RTL4: variants seen among roughly 807,000 people sequenced by gnomAD.
RTL4 encodes retrotransposon Gag-like protein 4.
A neutral mutation model predicts 5.3 loss-of-function variants in RTL4; 4 were observed. That is an observed-to-expected ratio of 0.75 (90% CI 0.37 to 1.72). The LOEUF is 1.72. Ranked by LOEUF, RTL4 falls within the 40% of genes most tolerant of loss-of-function variation. The probability of loss-of-function intolerance (pLI) is 0.04; values close to 1 mark genes in which losing one functional copy is unlikely to be tolerated. For synonymous variants in RTL4, 98 were observed against 87.3 expected (o/e 1.12, Z -0.68); for missense variants, 260 against 227.1 (o/e 1.14, Z -0.93).
the RTL4 span, among the ~76,000 whole-genome samples, chrX:112,337,669 C>T: frequency 8.9e-6 from 1 of 111,775 alleles, no homozygotes; most frequent in Non-Finnish European, 1.9e-5. Context: ...AAGTTTTCAT[C>T]TGTCCCTTCT....
the RTL4 span, among the ~76,000 whole-genome samples, chrX:112,328,861 A>G: frequency 7.1e-5 from 8 of 112,051 alleles, no homozygotes; most frequent in African/African-American, 2.6e-4. Flanking sequence ...AACTCACTCA[A>G]AACTGCTCAA....
At chrX:112,406,850 C>T in the RTL4 span, among the ~76,000 whole-genome samples, 3 of 109,701 alleles carry the variant, frequency 2.7e-5, no homozygotes, top group Non-Finnish European at 5.7e-5. Context: ...AGTCTTCGGG[C>T]CCCCTTTCCA....
At chrX:112,149,728 G>A in the RTL4 span, among the ~76,000 whole-genome samples, 1 of 112,326 alleles carries the variant, frequency 8.9e-6, no homozygotes, top group Admixed American at 9.4e-5. Flanking sequence ...CTGGTATAAG[G>A]TGCAATGAAT....
the RTL4 span, among the ~76,000 whole-genome samples, chrX:112,104,913 A>G: frequency 9.0e-6 from 1 of 111,696 alleles, no homozygotes; most frequent in Admixed American, 9.5e-5. Flanking sequence ...TCCACTGTGT[A>G]TGTTAGATTT....
the RTL4 span, among the ~76,000 whole-genome samples, chrX:112,131,988 A>G: frequency 1.2e-4 from 13 of 111,872 alleles, no homozygotes; most frequent in Middle Eastern, 4.2e-3. Flanking sequence ...ATAAACGAAG[A>G]AAGAGGCTTA....
chrX:112,328,783 A>G, the RTL4 span, among the ~76,000 whole-genome samples: 1 of 112,182 alleles, frequency 8.9e-6, no homozygotes, highest in Non-Finnish European at 1.9e-5. Context: ...GCAAATGTGA[A>G]AGAACAGAAA....
the RTL4 span, among the ~76,000 whole-genome samples, chrX:112,399,928 C>T: frequency 9.0e-6 from 1 of 111,482 alleles, no homozygotes; most frequent in Admixed American, 9.6e-5. Context: ...TAAAAAGCTA[C>T]TACTCTACTG....
the RTL4 span, among the ~76,000 whole-genome samples, chrX:112,400,525 T>C: frequency 8.9e-6 from 1 of 111,877 alleles, no homozygotes; most frequent in Non-Finnish European, 1.9e-5. Context: ...TCTGTGTCAG[T>C]TTTGATTAAC....
the RTL4 span, among the ~76,000 whole-genome samples, chrX:112,106,786 A>G: frequency 2.7e-5 from 3 of 112,099 alleles, no homozygotes; most frequent in African/African-American, 9.7e-5. Flanking sequence ...CTTTAAAAAT[A>G]TACCTATTGG....
At chrX:112,431,915 G>A in the RTL4 span, among the ~76,000 whole-genome samples, 1 of 81,851 alleles carries the variant, frequency 1.2e-5, no homozygotes, top group Non-Finnish European at 2.3e-5. Flanking sequence ...AGAGTGTGAT[G>A]TTCCCCTTCC....
the RTL4 span, among the ~76,000 whole-genome samples, chrX:112,444,301 C>T: frequency 1.8e-5 from 2 of 111,338 alleles, no homozygotes; most frequent in African/African-American, 6.5e-5. Context: ...CATTGGCCAA[C>T]GTTTCTGTTT....
At chrX:112,160,606 A>C in the RTL4 span, among the ~76,000 whole-genome samples, 1 of 111,739 alleles carries the variant, frequency 8.9e-6, no homozygotes, top group African/African-American at 3.3e-5. Flanking sequence ...GTCACACTTA[A>C]GGGCTTACTA....
chrX:112,344,679 A>AGTG, the RTL4 span, among the ~76,000 whole-genome samples: 1 of 112,113 alleles, frequency 8.9e-6, no homozygotes, highest in Non-Finnish European at 1.9e-5. Context: ...ACAAATCTAA[A>AGTG]CCATATCAAG....
the RTL4 span, among the ~76,000 whole-genome samples, chrX:112,361,779 T>C: frequency 9.0e-6 from 1 of 111,240 alleles, no homozygotes; most frequent in Non-Finnish European, 1.9e-5. Flanking sequence ...TCCCCTTTAG[T>C]TATAGTGGCT....
the RTL4 span, among the ~76,000 whole-genome samples, chrX:112,166,687 A>C: frequency 8.9e-6 from 1 of 111,871 alleles, no homozygotes; most frequent in African/African-American, 3.3e-5. Flanking sequence ...ATTTATGAGC[A>C]AAGACCACAG....
the RTL4 span, among the ~76,000 whole-genome samples, chrX:112,346,678 G>A: frequency 9.0e-6 from 1 of 111,289 alleles, no homozygotes; most frequent in African/African-American, 3.3e-5. Context: ...TACTTCGGAT[G>A]TGTGTAAAGC....
chrX:112,104,193 C>T, the RTL4 span, among the ~76,000 whole-genome samples: 1 of 111,993 alleles, frequency 8.9e-6, no homozygotes, highest in African/African-American at 3.2e-5. Context: ...ACATATTGTC[C>T]TCCAGGTTTT....
the RTL4 span, among the ~76,000 whole-genome samples, chrX:112,144,171 G>C: frequency 9.0e-6 from 1 of 110,944 alleles, no homozygotes; most frequent in Non-Finnish European, 1.9e-5. Flanking sequence ...TCTTCTCTTG[G>C]GGTGGGATCC....
chrX:112,201,184 T>C, the RTL4 span, among the ~76,000 whole-genome samples: 2 of 110,272 alleles, frequency 1.8e-5, no homozygotes, highest in Non-Finnish European at 3.8e-5. Flanking sequence ...ACCATCAGGT[T>C]TCGTAAGAAC....
Sources: gnomAD v4.1 joint callset for allele counts (sites outside exome capture counted in the v4.1 genomes callset) on GRCh38, gnomAD v4.1.1 for gene constraint, MANE v1.5 for transcripts, NCBI Gene and HGNC (gene_info 2026-07-23, HGNC 2026-07-21) for gene names.